The following MB21D2 variants were observed in gnomAD, a reference collection of about 807,000 sequenced individuals.
MB21D2 encodes nucleotidyltransferase MB21D2.
MB21D2 carries 9 observed loss-of-function variants against 33.3 expected under a neutral mutation model. That is an observed-to-expected ratio of 0.27 (90% CI 0.16 to 0.47). MB21D2 has a LOEUF of 0.47. Ranked by LOEUF, MB21D2 falls within the 20% of genes least tolerant of loss-of-function variation. The pLI is 0.99. For synonymous variants in MB21D2, 241 were observed against 236.3 expected (o/e 1.02, Z -0.18); for missense variants, 540 against 624.6 (o/e 0.86, Z 1.44).
At chr3:192,807,038 T>G (rs1047913650) in intron 1 of MB21D2, among the ~76,000 whole-genome samples, 1 of 152,184 alleles carries the variant, frequency 6.6e-6, no homozygotes, top group African/African-American at 2.4e-5. Context: ...TTTCTTAGTG[T>G]GTAGTTTTGT....
intron 1 of MB21D2, among the ~76,000 whole-genome samples, chr3:192,877,718 C>T (rs770075485): frequency 6.6e-6 from 1 of 152,192 alleles, no homozygotes; most frequent in Non-Finnish European, 1.5e-5. Flanking sequence ...TCCTATCCAA[C>T]GTGTCTTTAT....
chr3:192,829,795 C>T (rs187053215), intron 1 of MB21D2, among the ~76,000 whole-genome samples: 13 of 152,334 alleles, frequency 8.5e-5, no homozygotes, highest in Non-Finnish European at 4.4e-5. Flanking sequence ...GGCACGATCA[C>T]AGCTCACTGC....
chr3:192,833,120 C>A (rs1458538550), intron 1 of MB21D2, among the ~76,000 whole-genome samples: 1 of 148,612 alleles, frequency 6.7e-6, no homozygotes, highest in Non-Finnish European at 1.5e-5. Flanking sequence ...TTTCTAATCA[C>A]ATTCAGACTA....
At position 192,830,061 on chromosome 3, in the gene MB21D2, C is replaced by T. The variant is rs989399119; in HGVS notation, c.212-30411G>A. The stretch of plus-strand genomic sequence containing the variant: ...GTGCTTTTTATTTTCTTAGAGACGG[C>T]GTCTTGCTATGTTGCCCAGGCCTCA... On this transcript the variant is annotated intron_variant, in intron 1 of 1. Coordinates refer to ENST00000392452, the MANE Select transcript of MB21D2 (RefSeq NM_178496.4). 5.9e-5 allele frequency among the ~76,000 whole-genome samples: 9 copies of T among 152,006 alleles called. 1 individual carries two copies. The highest frequency in any genetic ancestry group is 9.7e-5 in the African/African-American group (4 of 41,378).
At chr3:192,814,341 G>C (rs1711864205) in intron 1 of MB21D2, among the ~76,000 whole-genome samples, 1 of 151,980 alleles carries the variant, frequency 6.6e-6, no homozygotes, top group South Asian at 2.1e-4. Flanking sequence ...GACTAATAAA[G>C]AGCTGAATCT....
intron 1 of MB21D2, among the ~76,000 whole-genome samples, chr3:192,828,929 A>G (rs1200068834): frequency 6.6e-6 from 1 of 151,932 alleles, no homozygotes; most frequent in Non-Finnish European, 1.5e-5. Context: ...GATTACAGGC[A>G]TAAGCCAACG....
chr3:192,819,073 C>T (rs983187419), intron 1 of MB21D2, among the ~76,000 whole-genome samples: 7 of 152,046 alleles, frequency 4.6e-5, no homozygotes, highest in African/African-American at 1.4e-4. Flanking sequence ...ATATAAGTGA[C>T]TCATAGTTTT....
intron 1 of MB21D2, among the ~76,000 whole-genome samples, chr3:192,894,663 T>A (rs115361934): frequency 0.026 from 3,977 of 152,220 alleles, 66 homozygotes; most frequent in Middle Eastern, 0.044. Flanking sequence ...GAGAAAGCGA[T>A]TGGAGTTTCC....
intron 1 of MB21D2, among the ~76,000 whole-genome samples, chr3:192,878,350 G>A (rs939377438): frequency 6.6e-6 from 1 of 152,090 alleles, no homozygotes; most frequent in Non-Finnish European, 1.5e-5. Flanking sequence ...TTAAAAAGTG[G>A]ACACAGATGA....
chr3:192,809,742 C>T (rs186161830), intron 1 of MB21D2, among the ~76,000 whole-genome samples: 26 of 152,222 alleles, frequency 1.7e-4, no homozygotes, highest in Admixed American at 1.4e-3. Context: ...AGGAAAGAGA[C>T]GATTATAGAT....
intron 1 of MB21D2, among the ~76,000 whole-genome samples, chr3:192,802,070 A>AG (rs1286042057): frequency 6.6e-6 from 1 of 152,188 alleles, no homozygotes; most frequent in Non-Finnish European, 1.5e-5. Context: ...TCTTCAATAA[A>AG]GGACTTCCAG....
At chr3:192,871,140 T>C (rs992448875) in intron 1 of MB21D2, among the ~76,000 whole-genome samples, 7 of 152,214 alleles carry the variant, frequency 4.6e-5, no homozygotes, top group Non-Finnish European at 5.9e-5. Flanking sequence ...ATGGGCATAT[T>C]CACGAAGGCA....
intron 1 of MB21D2, among the ~76,000 whole-genome samples, chr3:192,869,784 A>G (rs1418745860): frequency 6.6e-6 from 1 of 152,208 alleles, no homozygotes; most frequent in Admixed American, 6.5e-5. Flanking sequence ...ACACAGCAAC[A>G]AGCCTGCCAC....
intron 1 of MB21D2, among the ~76,000 whole-genome samples, chr3:192,841,655 C>T (rs1217497727): frequency 7.2e-5 from 11 of 152,218 alleles, no homozygotes; most frequent in Non-Finnish European, 1.5e-5. Flanking sequence ...CAACTCTGAG[C>T]CAGAGCCACC....
At chr3:192,817,415 G>A (rs1364467434) in intron 1 of MB21D2, among the ~76,000 whole-genome samples, 1 of 151,074 alleles carries the variant, frequency 6.6e-6, no homozygotes, top group East Asian at 1.9e-4. Flanking sequence ...AGGGAAGGAG[G>A]GAAGGAGGGA....
chr3:192,834,540 C>T (rs1229228745), intron 1 of MB21D2, among the ~76,000 whole-genome samples: 5 of 151,994 alleles, frequency 3.3e-5, no homozygotes, highest in African/African-American at 1.2e-4. Context: ...TCCTGTGGGG[C>T]CACTCCTTTT....
At chr3:192,837,712 A>G (rs1005577492) in intron 1 of MB21D2, among the ~76,000 whole-genome samples, 3 of 152,230 alleles carry the variant, frequency 2.0e-5, no homozygotes, top group African/African-American at 7.2e-5. Flanking sequence ...ACGCCATCCT[A>G]GGACATTCCA....
chr3:192,892,885 GA>G (rs1201273322), intron 1 of MB21D2, among the ~76,000 whole-genome samples: 1 of 152,134 alleles, frequency 6.6e-6, no homozygotes, highest in Non-Finnish European at 1.5e-5. Flanking sequence ...ACAAAAGGGG[GA>G]AAATTGTATT....
intron 1 of MB21D2, among the ~76,000 whole-genome samples, chr3:192,800,926 ATT>A (rs1368233292): frequency 1.3e-5 from 2 of 152,244 alleles, no homozygotes; most frequent in Non-Finnish European, 2.9e-5. Flanking sequence ...GGAAAATTAA[ATT>A]TAGAAAACTC....
Sources: allele counts gnomAD v4.1 joint callset (sites outside exome capture counted in the v4.1 genomes callset), GRCh38; gene constraint gnomAD v4.1.1; transcripts MANE v1.5; gene names NCBI Gene and HGNC (gene_info 2026-07-23, HGNC 2026-07-21).